FOXJ2: variants seen among roughly 807,000 people sequenced by gnomAD.
The protein encoded by FOXJ2 is forkhead box protein J2.
A neutral mutation model predicts 68.4 loss-of-function variants in FOXJ2; 18 were observed. The observed-to-expected ratio is 0.26, with a 90% CI of 0.18 to 0.39. The LOEUF (loss-of-function observed/expected upper bound fraction) is 0.39, where lower values mean the gene tolerates loss of function less well. Among genes scored for constraint, FOXJ2 ranks in the 10% least tolerant of loss-of-function variants. The probability of loss-of-function intolerance (pLI) is 1.00; values close to 1 mark genes in which losing one functional copy is unlikely to be tolerated. For missense variants in FOXJ2, 670 were observed against 726.5 expected, an observed-to-expected ratio of 0.92 and a Z score of 0.89; for synonymous variants, 274 against 263.2, an observed-to-expected ratio of 1.04 and a Z score of -0.40.
At chr12:8,041,301 A>C (rs1287318037) in intron 2 of FOXJ2, among the ~76,000 whole-genome samples, 3 of 151,666 alleles carry the variant, frequency 2.0e-5, no homozygotes, top group Admixed American at 6.6e-5. Flanking sequence ...TCCTGGGTTC[A>C]AGCAATCCTC....
Position 8,042,431 on chromosome 12 carries a change from TA to T in FOXJ2, c.334-226del, listed in dbSNP as rs1332186749. ...TTTCAGAAGCATTAGTAATCAAATT[TA>T]TAGCCATTCCCTCCCATCAGTTTAA... On this transcript the variant is annotated intron_variant, in intron 2 of 10. Coordinates refer to ENST00000162391, the MANE Select transcript of FOXJ2 (RefSeq NM_018416.3). Among the ~76,000 whole-genome samples, 9 of 152,236 alleles carry T rather than the reference TA, an allele frequency of 5.9e-5. No homozygotes were observed. The South Asian group carries it at 6.2e-4, about 10-fold the overall frequency.
chr12:8,046,919 G>T (rs1947044786), intron 6 of FOXJ2, among the ~76,000 whole-genome samples: 1 of 152,164 alleles, frequency 6.6e-6, no homozygotes, highest in South Asian at 2.1e-4. Context: ...TCCGACTCAG[G>T]TGGTTGGTTG....
chr12:8,049,284 G>A (rs368057231), intron 8 of FOXJ2, 78 bp from the exon 9 acceptor site: 3 of 1,150,390 alleles, frequency 2.6e-6, no homozygotes, highest in South Asian at 1.4e-5. Context: ...GGTGTGTTTG[G>A]AACAGTGAGA....
At chr12:8,043,856 C>A (rs1326279079) in intron 4 of FOXJ2, 87 bp downstream of exon 4, 19 of 1,603,014 alleles carry the variant, frequency 1.2e-5, no homozygotes, top group Non-Finnish European at 1.6e-5. Context: ...CTTTCAGAGG[C>A]AAAGGTGGAA....
chr12:8,048,351 C>G, intron 7 of FOXJ2, 62 bp downstream of exon 7: 1 of 1,501,816 alleles, frequency 6.7e-7, no homozygotes, highest in South Asian at 1.4e-5. Context: ...GTCCTAACAC[C>G]GGCATGGAGG....
chr12:8,048,605 C>G (rs1484730709), intron 7 of FOXJ2, 92 bp from the exon 8 acceptor site: 2 of 1,312,518 alleles, frequency 1.5e-6, no homozygotes, highest in African/African-American at 2.9e-5. Flanking sequence ...TGTATAGATG[C>G]AAGAATCTTG....
chr12:8,051,506 C>T (rs1169604545), intron 10 of FOXJ2, among the ~76,000 whole-genome samples: 1 of 152,136 alleles, frequency 6.6e-6, no homozygotes, highest in Non-Finnish European at 1.5e-5. Context: ...TAGCTATGTG[C>T]AACATTTTTG....
intron 10 of FOXJ2, among the ~76,000 whole-genome samples, chr12:8,051,541 G>C (rs1286538850): frequency 6.6e-6 from 1 of 152,198 alleles, no homozygotes; most frequent in Admixed American, 6.5e-5. Flanking sequence ...CTAGATGGAA[G>C]ATGTGCTCAG....
At chr12:8,050,713 C>A in intron 10 of FOXJ2, 93 bp downstream of exon 10, 1 of 1,420,510 alleles carries the variant, frequency 7.0e-7, no homozygotes, top group Non-Finnish European at 9.9e-7. Flanking sequence ...TGCATTTTTG[C>A]CTGCATCTCG....
chr12:8,043,217 C>CAAAAA (rs11423157), intron 3 of FOXJ2, among the ~76,000 whole-genome samples: 7 of 58,138 alleles, frequency 1.2e-4, no homozygotes, highest in African/African-American at 2.4e-4. Flanking sequence ...AACTCCATCT[C>CAAAAA]AAAAAAAAAA....
chr12:8,039,078 G>C (rs997116046), intron 1 of FOXJ2, among the ~76,000 whole-genome samples: 1 of 152,152 alleles, frequency 6.6e-6, no homozygotes, highest in African/African-American at 2.4e-5. Flanking sequence ...AAAAGTGTGA[G>C]GGCAGCTGTG....
chr12:8,040,024 C>G lies in FOXJ2; in HGVS notation c.192C>G (p.Asp64Glu). The G allele has an allele frequency of 6.2e-7, 1 of 1,614,110 alleles. No individual in the cohort carries two copies. The change falls in exon 2 of 11, where the codon GAC becomes GAG. Residue 64 changes from aspartate (D) to glutamate (E), a missense_variant. Around this residue, in one of 2 missense-constraint regions of FOXJ2, gnomAD observed 115 missense variants for 164.3 expected, o/e 0.70. Transcript: ENST00000162391. The surrounding 1 kb of genome is among the most constrained non-coding windows in gnomAD (Gnocchi z 4.0). ...LSKDEAAVHQ[D>E]GKPRYSYATL... is the part of the protein sequence containing the mutation. ...AAGACGAGGCAGCAGTGCACCAGGA[C>G]GGCAAGCCACGATACAGCTATGCCA...
rs1946926161 is a variant in FOXJ2, at chr12:8,038,624, T to C, written c.-14-1195T>C. On this transcript the variant is annotated intron_variant, in intron 1 of 10. Transcript: ENST00000162391. This position sits in a 1 kb window ranked among gnomAD's most constrained non-coding sequence, Gnocchi z 5.3. The stretch of plus-strand genomic sequence containing the variant: ...GTTGCTGGCATCAGCTCTAGGGGAG[T>C]GCCAAATGGCTACCTAGGGGTTCCT... Among the ~76,000 whole-genome samples, 1 of 152,044 alleles carries C rather than the reference T, an allele frequency of 6.6e-6. No individual in the cohort carries two copies. Among genetic ancestry groups the C allele is most frequent in the South Asian group, 2.1e-4 (1 of 4,824 alleles).
At position 8,048,090 on chromosome 12, in the gene FOXJ2, T is replaced by C. The variant is rs753211074; in HGVS notation, c.1026T>C (p.Asp342=). 1 of 1,612,304 alleles carries C rather than the reference T, an allele frequency of 6.2e-7. No homozygotes were observed. Among genetic ancestry groups the C allele is most frequent in the South Asian group, 1.1e-5 (1 of 90,912 alleles). Residue 342 remains aspartate, a synonymous_variant, in exon 7 of 11, where the codon GAT becomes GAC. Transcript: ENST00000162391. ...CTCCACTGCACACCCCAAGCACAGATGGTTGTACCCCACCAGGGGGAAAGC... is the reference window on the plus strand; with the variant it reads ...CTCCACTGCACACCCCAAGCACAGACGGTTGTACCCCACCAGGGGGAAAGC... ...GAPPLHTPST[D]GCTPPGGKQA... is the part of the protein sequence containing the mutation.
At chr12:8,042,146 G>A (rs1946975227) in intron 2 of FOXJ2, among the ~76,000 whole-genome samples, 1 of 152,140 alleles carries the variant, frequency 6.6e-6, no homozygotes, top group Admixed American at 6.5e-5. Flanking sequence ...CCAAAGTGTT[G>A]GAATTATAGG....
At chr12:8,036,510 A>G (rs1223993179) in intron 1 of FOXJ2, among the ~76,000 whole-genome samples, 1 of 152,166 alleles carries the variant, frequency 6.6e-6, no homozygotes, top group African/African-American at 2.4e-5. Flanking sequence ...TCCAGCACAC[A>G]GAGAAGAATG....
In FOXJ2 at chr12:8,038,807, C is replaced by T. The variant is rs770099083; in HGVS notation, c.-14-1012C>T. Among the ~76,000 whole-genome samples, 49 of 152,272 alleles carry T rather than the reference C, an allele frequency of 3.2e-4. No individual in the cohort carries two copies. Among genetic ancestry groups the T allele is most frequent in the African/African-American group, 1.1e-3 (47 of 41,546 alleles). On this transcript the variant is annotated intron_variant, in intron 1 of 10. Transcript: ENST00000162391. The surrounding 1 kb of genome is among the most constrained non-coding windows in gnomAD (Gnocchi z 5.3). ...ATCAGGCGTAGGCGGTCTGGCAGCTCCAGGAGTTTGCATGGAGGTGCAGCG... is the reference window on the plus strand; with the variant it reads ...ATCAGGCGTAGGCGGTCTGGCAGCTTCAGGAGTTTGCATGGAGGTGCAGCG...
chr12:8,052,060 G>T (rs934917982), intron 10 of FOXJ2, among the ~76,000 whole-genome samples: 1 of 151,988 alleles, frequency 6.6e-6, no homozygotes, highest in East Asian at 1.9e-4. Flanking sequence ...TAGAGACAGG[G>T]TTTCACCATG....
chr12:8,043,498 T>C (rs1591577803), intron 3 of FOXJ2, among the ~76,000 whole-genome samples: 1 of 152,184 alleles, frequency 6.6e-6, no homozygotes. Context: ...GGAGAGGCTG[T>C]GTCTGGACAT....
Sources: gnomAD v4.1 joint callset for allele counts (sites outside exome capture counted in the v4.1 genomes callset) on GRCh38, gnomAD v4.1.1 for gene constraint, gnomAD v4.1.1 regional missense constraint, Gnocchi (gnomAD v3.1) non-coding constraint, MANE v1.5 for transcripts, NCBI Gene and HGNC (gene_info 2026-07-23, HGNC 2026-07-21) for gene names.